CNTNAP5: variants seen among roughly 807,000 people sequenced by gnomAD.
CNTNAP5 encodes contactin-associated protein-like 5.
Under a neutral mutation model 150.2 loss-of-function variants are expected in CNTNAP5, and 72 were observed. The observed-to-expected ratio is 0.48, with a 90% CI of 0.40 to 0.58. The LOEUF is 0.58. Among genes scored for constraint, CNTNAP5 ranks in the 20% least tolerant of loss-of-function variants. CNTNAP5 has a pLI of 0.00. For missense variants in CNTNAP5, 1,636 were observed against 1,626.2 expected, an observed-to-expected ratio of 1.01 and a Z score of -0.10; for synonymous variants, 672 against 619.8, an observed-to-expected ratio of 1.08 and a Z score of -1.25.
intron 12 of CNTNAP5, among the ~76,000 whole-genome samples, chr2:124,611,282 G>C (rs759705383): frequency 6.6e-6 from 1 of 152,178 alleles, no homozygotes; most frequent in Non-Finnish European, 1.5e-5. Context: ...GGTATCTCCA[G>C]CTAAATGCAA....
chr2:124,221,986 A>G (rs1395330068), intron 2 of CNTNAP5, among the ~76,000 whole-genome samples, 177 bp downstream of exon 2: 1 of 152,170 alleles, frequency 6.6e-6, no homozygotes, highest in Non-Finnish European at 1.5e-5. Context: ...CATAATAGTC[A>G]TTCAAAGTAT....
chr2:124,783,668 G>A (rs557219142), intron 17 of CNTNAP5, among the ~76,000 whole-genome samples: 1 of 152,204 alleles, frequency 6.6e-6, no homozygotes, highest in South Asian at 2.1e-4. Flanking sequence ...TCCTGAGGGG[G>A]TTTGGCATTT....
chr2:124,175,964 T>C (rs1685053904), intron 1 of CNTNAP5, among the ~76,000 whole-genome samples: 1 of 152,216 alleles, frequency 6.6e-6, no homozygotes. Context: ...TATGTGGTAA[T>C]AGGATTACTG....
At chr2:124,503,726 A>T (rs562092795) in intron 7 of CNTNAP5, among the ~76,000 whole-genome samples, 2 of 152,274 alleles carry the variant, frequency 1.3e-5, no homozygotes, top group Admixed American at 6.5e-5. Flanking sequence ...TGTCCCACGA[A>T]CTACTTAGAA....
At position 124,563,281 on chromosome 2, in the gene CNTNAP5, A is replaced by G; in HGVS notation, c.1714A>G (p.Asn572Asp). The G allele has an allele frequency of 6.3e-7, 1 of 1,580,436 alleles. No homozygotes were observed. The highest frequency in any genetic ancestry group is 8.6e-7 in the Non-Finnish European group (1 of 1,162,172). ...CSQSWTTFYC[N>D]CSDTSYTGAT... ...CCAGTCCTGGACTACCTTCTATTGT[A>G]ACTGCAGTGACACAAGTTACACTGG... Residue 572 changes from asparagine (N) to aspartate (D), a missense_variant, in exon 11 of 24, where the codon AAC becomes GAC. By Grantham distance (23) the Asn-to-Asp change is conservative. Coordinates refer to ENST00000682447, the MANE Select transcript of CNTNAP5 (RefSeq NM_001367498.1).
intron 11 of CNTNAP5, among the ~76,000 whole-genome samples, chr2:124,565,159 G>A (rs1695988279): frequency 6.6e-6 from 1 of 152,184 alleles, no homozygotes; most frequent in Admixed American, 6.5e-5. Context: ...ATGTCCATAG[G>A]GAAGTCTGAT....
intron 3 of CNTNAP5, among the ~76,000 whole-genome samples, chr2:124,263,005 T>C (rs1470420596): frequency 1.3e-5 from 2 of 152,262 alleles, no homozygotes; most frequent in Admixed American, 6.5e-5. Context: ...CTACATAGTA[T>C]TCCATGGTGT....
At chr2:124,314,714 C>A (rs556382717) in intron 3 of CNTNAP5, among the ~76,000 whole-genome samples, 10 of 152,114 alleles carry the variant, frequency 6.6e-5, no homozygotes, top group African/African-American at 2.2e-4. Context: ...TTTACCCAGG[C>A]ATTTCAAAAG....
intron 13 of CNTNAP5, among the ~76,000 whole-genome samples, chr2:124,652,870 C>A (rs1678352148): frequency 6.6e-6 from 1 of 152,198 alleles, no homozygotes; most frequent in African/African-American, 2.4e-5. Context: ...TTCAGTAAAG[C>A]TGTGACCTCT....
chr2:124,146,140 T>A (rs1898786), intron 1 of CNTNAP5, among the ~76,000 whole-genome samples: 65,943 of 151,892 alleles, frequency 0.43, 14,697 homozygotes, highest in Admixed American at 0.53. Context: ...GGCAGGTGTT[T>A]GAGGCCAGGA....
chr2:124,483,964 T>C (rs1693813646), intron 7 of CNTNAP5, among the ~76,000 whole-genome samples: 1 of 152,200 alleles, frequency 6.6e-6, no homozygotes, highest in Non-Finnish European at 1.5e-5. Context: ...GACCCTTACT[T>C]TTTGTTTGTT....
In CNTNAP5 at chr2:124,597,088, CTT is replaced by C. The variant is rs1696845490; in HGVS notation, c.1757-12711_1757-12710del. ...AGCACACTGAATACAGCTCTTGACT[CTT>C]TATCCAATTTGCCAGTCTGTGTCTT... On this transcript the variant is annotated intron_variant, in intron 11 of 23. Coordinates refer to ENST00000682447, the MANE Select transcript of CNTNAP5 (RefSeq NM_001367498.1). Among the ~76,000 whole-genome samples, 3 of 150,770 alleles carry C rather than the reference CTT, an allele frequency of 2.0e-5. 1 individual carries two copies. The highest frequency in any genetic ancestry group is 3.2e-3 in the Middle Eastern group (1 of 314).
chr2:124,616,456 G>A (rs1440240572), intron 12 of CNTNAP5, among the ~76,000 whole-genome samples: 1 of 152,164 alleles, frequency 6.6e-6, no homozygotes, highest in Non-Finnish European at 1.5e-5. Flanking sequence ...CTCTGGGTTA[G>A]GCTTTGGTTT....
chr2:124,127,466 T>C (rs1480037400), intron 1 of CNTNAP5, among the ~76,000 whole-genome samples: 1 of 152,118 alleles, frequency 6.6e-6, no homozygotes, highest in African/African-American at 2.4e-5. Flanking sequence ...ATCAATATCA[T>C]GAAAATGGCC....
intron 12 of CNTNAP5, among the ~76,000 whole-genome samples, chr2:124,613,221 A>G (rs943296917): frequency 1.3e-5 from 2 of 152,252 alleles, no homozygotes; most frequent in Admixed American, 6.5e-5. Context: ...TTGTTAAAAC[A>G]TGAGTGACTT....
intron 19 of CNTNAP5, among the ~76,000 whole-genome samples, chr2:124,826,331 C>T (rs1390301821): frequency 6.6e-6 from 1 of 151,742 alleles, no homozygotes; most frequent in Non-Finnish European, 1.5e-5. Flanking sequence ...TCAGATTGGG[C>T]CCATAGAGGT....
At chr2:124,561,308 C>G (rs11691010) in intron 10 of CNTNAP5, among the ~76,000 whole-genome samples, 3,443 of 152,192 alleles carry the variant, frequency 0.023, 43 homozygotes, top group Middle Eastern at 0.061. Context: ...TGCTAGCCCC[C>G]CAGGATCTCC....
At chr2:124,527,806 A>T (rs772053102) in intron 10 of CNTNAP5, among the ~76,000 whole-genome samples, 2 of 152,196 alleles carry the variant, frequency 1.3e-5, no homozygotes, top group African/African-American at 2.4e-5. Flanking sequence ...TTCATTTTTC[A>T]CTGCTGTGGG....
chr2:124,422,150 C>T (rs1027703642), intron 4 of CNTNAP5, among the ~76,000 whole-genome samples: 1 of 152,198 alleles, frequency 6.6e-6, no homozygotes, highest in African/African-American at 2.4e-5. Context: ...CAACAAGGTT[C>T]ATCTGGAATT....
Sources: allele counts gnomAD v4.1 joint callset (sites outside exome capture counted in the v4.1 genomes callset), GRCh38; gene constraint gnomAD v4.1.1; transcripts MANE v1.5; gene names NCBI Gene and HGNC (gene_info 2026-07-23, HGNC 2026-07-21).